Variants in EEA1 observed in about 807,000 individuals in gnomAD.
EEA1 encodes early endosome antigen 1.
Under a neutral mutation model 209.2 loss-of-function variants are expected in EEA1, and 111 were observed. The ratio of observed to expected loss-of-function variants is 0.53; its 90% CI spans 0.45 to 0.62. The LOEUF is 0.62. Among genes scored for constraint, EEA1 ranks in the 20% least tolerant of loss-of-function variants. The pLI, the probability that EEA1 is intolerant of heterozygous loss-of-function variation, is 0.00. For missense variants in EEA1, 1,343 were observed against 1,530.8 expected, an observed-to-expected ratio of 0.88 and a Z score of 2.05; for synonymous variants, 536 against 540.6, an observed-to-expected ratio of 0.99 and a Z score of 0.12.
Position 92,877,053 on chromosome 12 carries a change from C to T in EEA1, c.118-12066G>A, listed in dbSNP as rs1327438969. On this transcript the variant is annotated intron_variant, in intron 2 of 28. Transcript: ENST00000322349. ...CTGCCTCCCAGGCACAAGAAATTCT[C>T]GTGCCTCAGCCTCCCGAGTAGCTGG... 1.3e-4 allele frequency among the ~76,000 whole-genome samples: 20 copies of T among 150,748 alleles called. 1 individual carries two copies. Among genetic ancestry groups the T allele is most frequent in the South Asian group, 6.3e-4 (3 of 4,786 alleles).
intron 3 of EEA1, among the ~76,000 whole-genome samples, chr12:92,864,067 C>G (rs1358244857): frequency 6.6e-6 from 1 of 152,130 alleles, no homozygotes; most frequent in African/African-American, 2.4e-5. Context: ...AAAGGAAGAT[C>G]CATTCTTCCC....
intron 1 of EEA1, among the ~76,000 whole-genome samples, chr12:92,901,013 A>T (rs1269641847): frequency 6.6e-6 from 1 of 152,146 alleles, no homozygotes; most frequent in Non-Finnish European, 1.5e-5. Flanking sequence ...AAAACTAGAA[A>T]TTCATTTTTG....
Position 92,889,896 on chromosome 12 carries a change from A to G in EEA1, c.117+1733T>C, listed in dbSNP as rs370965374. 1.9e-3 allele frequency among the ~76,000 whole-genome samples: 295 copies of G among 152,344 alleles called. 1 individual carries two copies. The highest frequency in any genetic ancestry group is 6.6e-3 in the African/African-American group (276 of 41,586). ...GCCACTGCACTCCAGTCTGGGCAAT[A>G]GAGTGAGACTCTGTCTCAAAAAAAA... On this transcript the variant is annotated intron_variant, in intron 2 of 28. Coordinates refer to ENST00000322349, the MANE Select transcript of EEA1 (RefSeq NM_003566.4).
chr12:92,850,792 T>C (rs1437001450), intron 9 of EEA1, among the ~76,000 whole-genome samples: 2 of 148,918 alleles, frequency 1.3e-5, no homozygotes, highest in African/African-American at 5.0e-5. Context: ...TTGTAGAAAA[T>C]GCTATCATTC....
Position 92,811,401 on chromosome 12 carries a change from C to T in EEA1, c.2077G>A (p.Val693Ile), listed in dbSNP as rs140530278. Residue 693 changes from valine to isoleucine, a missense_variant, in exon 17 of 29, where the codon GTC (valine) becomes ATC (isoleucine). Around this residue, in one of 3 missense-constraint regions of EEA1, gnomAD observed 1,307 missense variants for 1,465.5 expected, o/e 0.89. Transcript: ENST00000322349. Reference sequence around the variant, plus strand: ...TGCTTGTCTTGTAACTTTGCAGTGACCTGATCCAACTGAGTAGTAATCTTA... The same window carrying T: ...TGCTTGTCTTGTAACTTTGCAGTGATCTGATCCAACTGAGTAGTAATCTTA... ...LNKITTQLDQ[V>I]TAKLQDKQEH... is the part of the protein sequence containing the mutation. 9 of 1,592,162 alleles carry T rather than the reference C, an allele frequency of 5.7e-6. No homozygotes were observed. The African/African-American group carries it at 1.1e-4, about 19-fold the overall frequency.
intron 2 of EEA1, among the ~76,000 whole-genome samples, chr12:92,885,058 A>G (rs538802470): frequency 6.6e-6 from 1 of 151,956 alleles, no homozygotes; most frequent in African/African-American, 2.4e-5. Context: ...AGAAAAAAGA[A>G]TACTGTATAT....
At chr12:92,910,265 T>C (rs1024817176) in intron 1 of EEA1, among the ~76,000 whole-genome samples, 8 of 149,218 alleles carry the variant, frequency 5.4e-5, no homozygotes, top group African/African-American at 2.0e-4. Context: ...AGGTCAGGAG[T>C]TCAAGACCAG....
At chr12:92,795,264 A>G (rs1220087490) in intron 21 of EEA1, among the ~76,000 whole-genome samples, 1 of 152,226 alleles carries the variant, frequency 6.6e-6, no homozygotes, top group African/African-American at 2.4e-5. Flanking sequence ...CTGTTTTTAG[A>G]AAATACCAAC....
chr12:92,901,698 G>T (rs1426636694), intron 1 of EEA1, among the ~76,000 whole-genome samples: 1 of 151,934 alleles, frequency 6.6e-6, no homozygotes, highest in Non-Finnish European at 1.5e-5. Flanking sequence ...CTCCCAAGTA[G>T]CTGGGACTAC....
In EEA1 at chr12:92,813,085, G is replaced by A. The variant is rs748012907; in HGVS notation, c.1938C>T (p.Ala646=). ...KVSQLDIQIK[A]KTELLLSAEA... ...CTGCTGATAGTAATAGTTCGGTTTT[G>A]GCTTTAATCTGTAACAGCATTTACA... Residue 646 remains alanine (A), a synonymous_variant, in exon 16 of 29, where the codon GCC becomes GCT. Transcript: ENST00000322349. 1 of 1,575,132 alleles carries A rather than the reference G, an allele frequency of 6.3e-7. No individual in the cohort carries two copies. Among genetic ancestry groups the A allele is most frequent in the South Asian group, 1.2e-5 (1 of 84,928 alleles).
chr12:92,845,898 T>C (rs1016832227), intron 9 of EEA1, among the ~76,000 whole-genome samples: 3 of 152,140 alleles, frequency 2.0e-5, no homozygotes, highest in African/African-American at 4.8e-5. Context: ...AAAGAGATAA[T>C]AGATATTTAT....
chr12:92,925,431 G>T (rs1881176304), intron 1 of EEA1, among the ~76,000 whole-genome samples: 2 of 152,052 alleles, frequency 1.3e-5, no homozygotes, highest in African/African-American at 4.8e-5. Context: ...GACCAAGCTG[G>T]TCTCGAACTC....
intron 1 of EEA1, among the ~76,000 whole-genome samples, chr12:92,915,458 A>G (rs1463294545): frequency 1.3e-5 from 2 of 152,154 alleles, no homozygotes; most frequent in Non-Finnish European, 2.9e-5. Context: ...CAACAGGGCA[A>G]GAACCTGTCT....
chr12:92,867,029 T>C (rs1435088224), intron 2 of EEA1, among the ~76,000 whole-genome samples: 1 of 152,180 alleles, frequency 6.6e-6, no homozygotes, highest in Non-Finnish European at 1.5e-5. Context: ...ATATCCAGTC[T>C]TCCCTCTTCC....
intron 22 of EEA1, among the ~76,000 whole-genome samples, chr12:92,783,878 A>T (rs1217624438): frequency 6.6e-6 from 1 of 151,972 alleles, no homozygotes; most frequent in African/African-American, 2.4e-5. Context: ...TTAGCAAAGG[A>T]TCCTTGCTGA....
At chr12:92,909,176 C>T (rs1880491410) in intron 1 of EEA1, among the ~76,000 whole-genome samples, 1 of 152,190 alleles carries the variant, frequency 6.6e-6, no homozygotes, top group Non-Finnish European at 1.5e-5. Flanking sequence ...AAGCAAAGCG[C>T]ACCCTACGTG....
At chr12:92,869,514 C>T (rs1207935897) in intron 2 of EEA1, among the ~76,000 whole-genome samples, 3 of 151,306 alleles carry the variant, frequency 2.0e-5, no homozygotes, top group African/African-American at 7.3e-5. Flanking sequence ...GAGGCCAAGG[C>T]AGGCCGATGA....
intron 1 of EEA1, among the ~76,000 whole-genome samples, chr12:92,916,885 A>T (rs1218240139): frequency 2.0e-5 from 3 of 146,752 alleles, no homozygotes; most frequent in Non-Finnish European, 3.0e-5. Flanking sequence ...TAACCAATAC[A>T]GAGAAGTGCT....
At chr12:92,834,104 T>A (rs1294641291) in intron 10 of EEA1, among the ~76,000 whole-genome samples, 1 of 152,052 alleles carries the variant, frequency 6.6e-6, no homozygotes, top group African/African-American at 2.4e-5. Context: ...TCACAGGGGA[T>A]AATAGATCTT....
Sources: allele counts gnomAD v4.1 joint callset (sites outside exome capture counted in the v4.1 genomes callset), GRCh38; gene constraint gnomAD v4.1.1; regional missense constraint gnomAD v4.1.1; transcripts MANE v1.5; gene names NCBI Gene and HGNC (gene_info 2026-07-23, HGNC 2026-07-21).